NAV2: variants seen among roughly 807,000 people sequenced by gnomAD.
NAV2 encodes the protein neuron navigator 2.
Under a neutral mutation model 223.2 loss-of-function variants are expected in NAV2, and 54 were observed. The ratio of observed to expected loss-of-function variants is 0.24; its 90% CI spans 0.19 to 0.30. NAV2 has a LOEUF of 0.30. NAV2 is among the 10% of genes least tolerant of loss of function. NAV2 has a pLI of 1.00. For missense variants in NAV2, 2,806 were observed against 3,147.5 expected (o/e 0.89, Z 2.60); for synonymous variants, 1,279 against 1,239.3 (o/e 1.03, Z -0.67).
intron 1 of NAV2, among the ~76,000 whole-genome samples, chr11:19,369,171 TC>T (rs780508885): frequency 7.9e-5 from 12 of 152,212 alleles, no homozygotes; most frequent in Non-Finnish European, 1.8e-4. Context: ...TAATTATGGT[TC>T]TTTAAAAAGA....
At chr11:20,003,136 C>T (rs1486959621) in intron 11 of NAV2, among the ~76,000 whole-genome samples, 1 of 152,116 alleles carries the variant, frequency 6.6e-6, no homozygotes, top group Admixed American at 6.6e-5. Flanking sequence ...GGAGGGAAGT[C>T]GGAGAGGGGA....
chr11:19,513,969 A>G (rs1307760145), intron 1 of NAV2, among the ~76,000 whole-genome samples: 2 of 152,158 alleles, frequency 1.3e-5, no homozygotes, highest in African/African-American at 4.8e-5. Context: ...CGCTGCTCAC[A>G]CCTTGATTCT....
chr11:19,978,336 C>T (rs113478612), intron 10 of NAV2, among the ~76,000 whole-genome samples: 2 of 152,258 alleles, frequency 1.3e-5, no homozygotes, highest in African/African-American at 4.8e-5. Flanking sequence ...AGTAGAGGGG[C>T]CTGTGAAAGC....
intron 18 of NAV2, 102 bp downstream of exon 18, chr11:20,054,342 G>T: frequency 8.1e-7 from 1 of 1,241,582 alleles, no homozygotes. Context: ...TGGGGAGCAG[G>T]TGGTTTTGGT....
intron 1 of NAV2, among the ~76,000 whole-genome samples, chr11:19,766,923 G>A (rs1219117674): frequency 1.3e-5 from 2 of 152,168 alleles, no homozygotes; most frequent in Non-Finnish European, 2.9e-5. Context: ...GGGGTGGACT[G>A]CAGGGGATGA....
chr11:19,944,863 GTCTT>G (rs1565613853), intron 8 of NAV2, among the ~76,000 whole-genome samples: 2 of 137,488 alleles, frequency 1.5e-5, no homozygotes, highest in African/African-American at 5.4e-5. Context: ...TGTCTTGCTT[GTCTT>G]TCTTTCCTCC....
intron 10 of NAV2, among the ~76,000 whole-genome samples, chr11:19,971,191 A>G (rs1591480301): frequency 6.6e-6 from 1 of 152,036 alleles, no homozygotes; most frequent in East Asian, 1.9e-4. Context: ...TTTGAGTAGG[A>G]CACACTTTTG....
chr11:20,090,830 A>T (rs752831725), intron 26 of NAV2, 35 bp from the exon 27 acceptor site: 2 of 1,607,162 alleles, frequency 1.2e-6, no homozygotes, highest in Admixed American at 3.3e-5. Context: ...GACTAAAAGG[A>T]GCTGCTTTCA....
chr11:20,047,993 T>A (rs1245545656), intron 14 of NAV2, among the ~76,000 whole-genome samples: 1 of 152,174 alleles, frequency 6.6e-6, no homozygotes, highest in Non-Finnish European at 1.5e-5. Flanking sequence ...TTCCTTGTAG[T>A]CTGATGGCAC....
chr11:20,065,377 C>A (rs2058977307), intron 20 of NAV2, among the ~76,000 whole-genome samples: 1 of 152,198 alleles, frequency 6.6e-6, no homozygotes. Context: ...TTCAAGAATG[C>A]TCATTCTGCA....
At chr11:20,021,410 A>G (rs2054494912) in intron 11 of NAV2, among the ~76,000 whole-genome samples, 2 of 152,214 alleles carry the variant, frequency 1.3e-5, no homozygotes, top group Admixed American at 1.3e-4. Context: ...GCCTAGAGCG[A>G]GGAAACAATG....
rs115409382 is a variant in NAV2 at position 19,469,427 on chromosome 11, C to G, written c.75+118400C>G. On this transcript the variant is annotated intron_variant, in intron 1 of 37. Coordinates refer to the NAV2 transcript ENST00000360655. Reference sequence around the variant, plus strand: ...GATTTCGTACACTCTGCCTTTCCTGCACAACTGGGTGGGAAAATCTACCAT... The same window carrying G: ...GATTTCGTACACTCTGCCTTTCCTGGACAACTGGGTGGGAAAATCTACCAT... Among the ~76,000 whole-genome samples the G allele has an allele frequency of 6.0e-3, 915 of 152,302 alleles. 6 individuals are homozygous for G. Among genetic ancestry groups the G allele is most frequent in the African/African-American group, 0.021 (871 of 41,556 alleles).
chr11:20,106,175 A>ATATATGTGTGTGTGTGTG (rs11267537), intron 35 of NAV2, among the ~76,000 whole-genome samples: 1,477 of 35,734 alleles, frequency 0.041, 234 homozygotes, highest in Non-Finnish European at 0.058. Context: ...ATATATATAT[A>ATATATGTGTGTGTGTGTG]TGTGTGTGTA....
intron 10 of NAV2, among the ~76,000 whole-genome samples, chr11:19,976,196 C>A (rs2049726612): frequency 6.6e-6 from 1 of 152,104 alleles, no homozygotes; most frequent in Non-Finnish European, 1.5e-5. Flanking sequence ...GCACACAAAT[C>A]ACCTGGGGGG....
chr11:19,529,807 T>C (rs1250166199), intron 1 of NAV2, among the ~76,000 whole-genome samples: 23 of 152,206 alleles, frequency 1.5e-4, no homozygotes, highest in Admixed American at 1.5e-3. Context: ...GCGGGCCTCC[T>C]GCCCTACATA....
upstream of NAV2, among the ~76,000 whole-genome samples, chr11:19,709,638 C>A (rs1342519127): frequency 6.6e-6 from 1 of 150,898 alleles, no homozygotes; most frequent in Non-Finnish European, 1.5e-5. Context: ...AGTTCCAGAC[C>A]AGCCTGACCA....
At chr11:20,022,692 G>A in intron 11 of NAV2, 2 of 1,009,662 alleles carry the variant, frequency 2.0e-6, no homozygotes, top group Non-Finnish European at 2.4e-6. Context: ...TGCAGTCTGT[G>A]AGGATTTAAA....
chr11:19,540,741 A>G (rs1186798369), intron 1 of NAV2, among the ~76,000 whole-genome samples: 1 of 152,174 alleles, frequency 6.6e-6, no homozygotes, highest in Non-Finnish European at 1.5e-5. Flanking sequence ...TTATTTTTTA[A>G]AAGCTCTGGC....
At chr11:19,958,052 G>A (rs1361134582) in intron 10 of NAV2, among the ~76,000 whole-genome samples, 4 of 152,154 alleles carry the variant, frequency 2.6e-5, no homozygotes, top group Admixed American at 6.5e-5. Flanking sequence ...AAAAGAAGAC[G>A]GGAACAAAAG....
Sources: gnomAD v4.1 joint callset for allele counts (sites outside exome capture counted in the v4.1 genomes callset) on GRCh38, gnomAD v4.1.1 for gene constraint, MANE v1.5 for transcripts, NCBI Gene and HGNC (gene_info 2026-07-23, HGNC 2026-07-21) for gene names.